The following DOCK3 variants were observed in gnomAD, a reference collection of about 807,000 sequenced individuals.
The protein encoded by DOCK3 is dedicator of cytokinesis 3, also known as dedicator of cytokinesis protein 3.
DOCK3 carries 60 observed loss-of-function variants against 265.6 expected under a neutral mutation model. That is an observed-to-expected ratio of 0.23 (90% CI 0.18 to 0.28). The LOEUF (loss-of-function observed/expected upper bound fraction) is 0.28, where lower values mean the gene tolerates loss of function less well. Among genes scored for constraint, DOCK3 ranks in the 10% least tolerant of loss-of-function variants. The probability of loss-of-function intolerance (pLI) is 1.00; values close to 1 mark genes in which losing one functional copy is unlikely to be tolerated. For synonymous variants in DOCK3, 881 were observed against 938.0 expected (o/e 0.94, Z 1.11); for missense variants, 1,981 against 2,594.3 (o/e 0.76, Z 5.14).
At chr3:50,936,382 ATT>A (rs869055840) in intron 5 of DOCK3, among the ~76,000 whole-genome samples, 146 of 149,442 alleles carry the variant, frequency 9.8e-4, no homozygotes, top group Non-Finnish European at 1.8e-3. Flanking sequence ...CCAAAAAAAA[ATT>A]TTTTTTTTTT....
At chr3:51,095,584 A>T (rs987537617) in intron 9 of DOCK3, among the ~76,000 whole-genome samples, 1 of 152,092 alleles carries the variant, frequency 6.6e-6, no homozygotes, top group East Asian at 1.9e-4. Flanking sequence ...TGGAATTTGC[A>T]TTGTCTAGTG....
At chr3:51,365,903 G>A (rs1424391256) in intron 49 of DOCK3, among the ~76,000 whole-genome samples, 1 of 152,124 alleles carries the variant, frequency 6.6e-6, no homozygotes, top group Non-Finnish European at 1.5e-5. Flanking sequence ...ATTTTATTGA[G>A]GATTTTTGCA....
chr3:51,273,702 T>C (rs1463624368), intron 24 of DOCK3, among the ~76,000 whole-genome samples: 10 of 152,366 alleles, frequency 6.6e-5, no homozygotes, highest in Admixed American at 5.9e-4. Context: ...TGTCATGTAC[T>C]TTGTCTTTGA....
In DOCK3 at chr3:51,068,335, T is replaced by TCA. The variant is rs2081686277; in HGVS notation, c.464+3740_464+3741insAC. On this transcript the variant is annotated intron_variant, in intron 6 of 52. Transcript: ENST00000266037. ...GCGGGCAGATCACGAGGTCAAGAGA[T>TCA]CGAGACCATCCTGGCTAACACGGTG... 2.6e-5 allele frequency among the ~76,000 whole-genome samples: 4 copies of TCA among 151,760 alleles called. No individual in the cohort carries two copies. In the South Asian group the frequency reaches 8.3e-4, roughly 32 times the overall value.
In DOCK3 at chr3:51,159,238, T is replaced by C. The variant is rs766909459; in HGVS notation, c.829-6T>C. On this transcript the variant is annotated splice_region_variant and splice_polypyrimidine_tract_variant and intron_variant, in intron 10 of 52. Coordinates refer to ENST00000266037, the MANE Select transcript of DOCK3 (RefSeq NM_004947.5). ...CTTGCCTGAATTTACTTATTTTTTCTCTTAGGATCTGAGCAGCAAAGATAT... is the reference window on the plus strand; with the variant it reads ...CTTGCCTGAATTTACTTATTTTTTCCCTTAGGATCTGAGCAGCAAAGATAT... The C allele has an allele frequency of 6.2e-7, 1 of 1,613,024 alleles. No homozygotes were observed. Among genetic ancestry groups the C allele is most frequent in the East Asian group, 2.2e-5 (1 of 44,856 alleles).
At position 50,746,406 on chromosome 3, in the gene DOCK3, G is replaced by A. The variant is rs182196217; in HGVS notation, c.38-32269G>A. Among the ~76,000 whole-genome samples the A allele has an allele frequency of 1.7e-3, 261 of 152,020 alleles. 2 individuals carry two copies. Among genetic ancestry groups the A allele is most frequent in the Admixed American group, 6.7e-3 (103 of 15,262 alleles). ...ACAGGCATGAACCACCATGCCCAGC[G>A]GATGATATCTAATTTATCAGTTGGT... On this transcript the variant is annotated intron_variant, in intron 1 of 52. Coordinates refer to ENST00000266037, the MANE Select transcript of DOCK3 (RefSeq NM_004947.5).
chr3:50,704,533 T>C (rs1479965537), intron 1 of DOCK3, among the ~76,000 whole-genome samples: 1 of 152,236 alleles, frequency 6.6e-6, no homozygotes, highest in Admixed American at 6.5e-5. Flanking sequence ...TTACTATAAT[T>C]ACTCCAGTAT....
chr3:51,152,831 C>T (rs1361362777), intron 10 of DOCK3, among the ~76,000 whole-genome samples: 1 of 152,178 alleles, frequency 6.6e-6, no homozygotes, highest in Non-Finnish European at 1.5e-5. Flanking sequence ...GCGGAGGCTG[C>T]AAAACAGCAA....
intron 5 of DOCK3, among the ~76,000 whole-genome samples, chr3:51,012,263 C>T (rs2108775469): frequency 6.6e-6 from 1 of 152,318 alleles, no homozygotes; most frequent in Non-Finnish European, 1.5e-5. Context: ...TCTACAGAGG[C>T]AGGCAGGCCT....
intron 32 of DOCK3, among the ~76,000 whole-genome samples, chr3:51,315,535 A>G (rs1269353993): frequency 6.6e-6 from 1 of 152,116 alleles, no homozygotes; most frequent in African/African-American, 2.4e-5. Context: ...AGCATTTTAT[A>G]GACTACTGCA....
intron 5 of DOCK3, among the ~76,000 whole-genome samples, chr3:50,996,566 A>G (rs189681820): frequency 6.6e-6 from 1 of 152,174 alleles, no homozygotes; most frequent in Admixed American, 6.5e-5. Flanking sequence ...CGTATATGAT[A>G]ATAAACCCCA....
chr3:50,957,968 T>G (rs965767899), intron 5 of DOCK3, among the ~76,000 whole-genome samples: 1 of 152,214 alleles, frequency 6.6e-6, no homozygotes, highest in Admixed American at 6.5e-5. Context: ...GTTTTTTGTT[T>G]TTCTTGGCTT....
chr3:51,312,460 TTCTC>T lies in DOCK3; in HGVS notation c.3094-14_3094-11del. 1 of 1,609,216 alleles carries T rather than the reference TTCTC, an allele frequency of 6.2e-7. No individual in the cohort carries two copies. The highest frequency in any genetic ancestry group is 1.7e-5 in the Admixed American group (1 of 59,714). ...GTTCTTAGACTGTCACATTTTCTCT[TTCTC>T]TGTCTGTCTAGGTGTGGAATTCTTA... On this transcript the variant is annotated splice_polypyrimidine_tract_variant and intron_variant, in intron 29 of 52. Transcript: ENST00000266037.
intron 5 of DOCK3, among the ~76,000 whole-genome samples, chr3:50,995,757 A>G (rs957328331): frequency 1.3e-5 from 2 of 152,212 alleles, no homozygotes; most frequent in South Asian, 2.1e-4. Context: ...CAGTAGGGGC[A>G]TAATGGGAAG....
chr3:50,838,190 G>A (rs1379519824), intron 2 of DOCK3, among the ~76,000 whole-genome samples: 1 of 152,174 alleles, frequency 6.6e-6, no homozygotes, highest in Non-Finnish European at 1.5e-5. Flanking sequence ...GTTGCAGCAA[G>A]TTACTGAGGA....
chr3:50,756,486 T>C (rs1376838595), intron 1 of DOCK3, among the ~76,000 whole-genome samples: 6 of 152,134 alleles, frequency 3.9e-5, no homozygotes, highest in African/African-American at 1.4e-4. Flanking sequence ...CATACATTTT[T>C]TTTGTTTTGA....
At chr3:50,914,825 G>T (rs1215787535) in intron 4 of DOCK3, among the ~76,000 whole-genome samples, 1 of 152,020 alleles carries the variant, frequency 6.6e-6, no homozygotes, top group Non-Finnish European at 1.5e-5. Context: ...TTTAATTTTT[G>T]CTTTTCCCAC....
intron 9 of DOCK3, among the ~76,000 whole-genome samples, chr3:51,096,756 G>A (rs1183778907): frequency 2.0e-5 from 3 of 152,110 alleles, no homozygotes; most frequent in Admixed American, 6.5e-5. Flanking sequence ...TTTTGCACTG[G>A]GTTTTCCTCA....
At chr3:50,705,087 G>A (rs1243101901) in intron 1 of DOCK3, among the ~76,000 whole-genome samples, 1 of 138,320 alleles carries the variant, frequency 7.2e-6, no homozygotes, top group African/African-American at 2.6e-5. Context: ...CCTATTGTTG[G>A]CCTTTACAAT....
Sources: gnomAD v4.1 joint callset for allele counts (sites outside exome capture counted in the v4.1 genomes callset) on GRCh38, gnomAD v4.1.1 for gene constraint, MANE v1.5 for transcripts, NCBI Gene and HGNC (gene_info 2026-07-23, HGNC 2026-07-21) for gene names.